Variants in BTBD9 observed in about 807,000 individuals in gnomAD.
BTBD9 encodes BTB domain containing 9, also known as BTB/POZ domain-containing protein 9.
Under a neutral mutation model 64.3 loss-of-function variants are expected in BTBD9, and 49 were observed. The observed-to-expected ratio is 0.76, with a 90% CI of 0.61 to 0.97. BTBD9 has a LOEUF of 0.97. Ranked by LOEUF, BTBD9 falls within the 50% of genes least tolerant of loss-of-function variation. BTBD9 has a pLI of 0.00. For synonymous variants in BTBD9, 260 were observed against 274.7 expected (o/e 0.95, Z 0.53); for missense variants, 598 against 762.1 (o/e 0.78, Z 2.53).
intron 7 of BTBD9, among the ~76,000 whole-genome samples, chr6:38,340,019 A>C (rs1764039651): frequency 6.6e-6 from 1 of 152,204 alleles, no homozygotes; most frequent in Non-Finnish European, 1.5e-5. Flanking sequence ...GAGCAAATGA[A>C]TATTGTACTG....
intron 6 of BTBD9, among the ~76,000 whole-genome samples, chr6:38,458,940 T>A (rs767378124): frequency 6.6e-6 from 1 of 152,212 alleles, no homozygotes; most frequent in African/African-American, 2.4e-5. Context: ...TCAAATGTTC[T>A]ATTAAAGGTA....
At chr6:38,328,452 T>A (rs571447330) in intron 7 of BTBD9, among the ~76,000 whole-genome samples, 13 of 152,118 alleles carry the variant, frequency 8.5e-5, no homozygotes, top group Non-Finnish European at 1.3e-4. Context: ...GCCATTTACA[T>A]GCCAAGGAGA....
intron 10 of BTBD9, chr6:38,179,807 A>G: frequency 2.2e-6 from 1 of 456,732 alleles, no homozygotes; most frequent in Non-Finnish European, 4.4e-6. Flanking sequence ...GTGAGAAACT[A>G]ATTTTGCCTG....
chr6:38,492,339 C>A (rs1028266326), intron 6 of BTBD9, among the ~76,000 whole-genome samples: 3 of 152,204 alleles, frequency 2.0e-5, no homozygotes, highest in African/African-American at 7.2e-5. Flanking sequence ...TTTCTATGAT[C>A]TTGGGAAAGT....
chr6:38,311,624 A>G (rs1762838829), intron 7 of BTBD9, among the ~76,000 whole-genome samples: 2 of 152,120 alleles, frequency 1.3e-5, no homozygotes, highest in Non-Finnish European at 2.9e-5. Context: ...ATCATATGGT[A>G]GCTCTATTTT....
chr6:38,418,069 C>T (rs12194728), intron 6 of BTBD9, among the ~76,000 whole-genome samples: 2 of 47,806 alleles, frequency 4.2e-5, no homozygotes, highest in Non-Finnish European at 5.1e-5. Context: ...ATGCTTTTTT[C>T]TATCATCATT....
At chr6:38,238,565 C>T (rs536495211) in intron 9 of BTBD9, among the ~76,000 whole-genome samples, 5 of 151,702 alleles carry the variant, frequency 3.3e-5, no homozygotes, top group Non-Finnish European at 7.4e-5. Context: ...CTCCACCTCC[C>T]GGGTTCACAC....
At chr6:38,196,498 C>A (rs1762277834) in intron 9 of BTBD9, among the ~76,000 whole-genome samples, 1 of 152,200 alleles carries the variant, frequency 6.6e-6, no homozygotes, top group Admixed American at 6.5e-5. Context: ...ATGATTACCA[C>A]AGAGGTTCTT....
At chr6:38,420,888 T>C (rs1463418408) in intron 6 of BTBD9, among the ~76,000 whole-genome samples, 1 of 152,056 alleles carries the variant, frequency 6.6e-6, no homozygotes, top group East Asian at 1.9e-4. Context: ...TAGAATAACA[T>C]AATAAAACAA....
chr6:38,321,171 A>G (rs1763218123), intron 7 of BTBD9, among the ~76,000 whole-genome samples: 1 of 152,236 alleles, frequency 6.6e-6, no homozygotes, highest in South Asian at 2.1e-4. Flanking sequence ...TAAGGTTTCA[A>G]GAGCTATCAC....
intron 6 of BTBD9, among the ~76,000 whole-genome samples, chr6:38,401,202 G>A (rs771833377): frequency 5.3e-5 from 8 of 152,166 alleles, no homozygotes; most frequent in African/African-American, 9.7e-5. Flanking sequence ...TCTCATGATA[G>A]TGAGGGAGTT....
At chr6:38,391,084 C>T (rs9470867) in intron 6 of BTBD9, among the ~76,000 whole-genome samples, 56,870 of 151,990 alleles carry the variant, frequency 0.37, 12,904 homozygotes, top group East Asian at 0.87. Context: ...TCACGTCTTA[C>T]TCATTCATTC....
intron 6 of BTBD9, among the ~76,000 whole-genome samples, chr6:38,415,162 T>C (rs888651282): frequency 7.2e-5 from 11 of 152,126 alleles, no homozygotes; most frequent in Non-Finnish European, 1.5e-5. Context: ...TCCCCAAACA[T>C]GTCCATATCC....
intron 8 of BTBD9, among the ~76,000 whole-genome samples, chr6:38,263,750 T>C (rs1764872214): frequency 6.6e-6 from 1 of 152,186 alleles, no homozygotes; most frequent in Admixed American, 6.5e-5. Context: ...TTTCAAAACC[T>C]ACTAGGGCCC....
chr6:38,247,640 T>C (rs1043021448), intron 9 of BTBD9, among the ~76,000 whole-genome samples: 1 of 152,226 alleles, frequency 6.6e-6, no homozygotes, highest in African/African-American at 2.4e-5. Context: ...GAATGAACTT[T>C]GGGTGTCCCA....
chr6:38,423,019 C>A (rs1394392208), intron 6 of BTBD9, among the ~76,000 whole-genome samples: 1 of 152,102 alleles, frequency 6.6e-6, no homozygotes, highest in Admixed American at 6.5e-5. Context: ...AATCCCAGCA[C>A]TTTGGGAGGC....
intron 6 of BTBD9, among the ~76,000 whole-genome samples, chr6:38,544,927 C>CAAAAAAAAAAAAAAAAA (rs58694810): frequency 2.1e-5 from 1 of 48,284 alleles, no homozygotes; most frequent in Non-Finnish European, 3.7e-5. Flanking sequence ...AACTACATCT[C>CAAAAAAAAAAAAAAAAA]AAAAAAAAAA....
intron 4 of BTBD9, among the ~76,000 whole-genome samples, chr6:38,584,932 A>C (rs1454946722): frequency 6.6e-6 from 1 of 152,160 alleles, no homozygotes; most frequent in Non-Finnish European, 1.5e-5. Context: ...TCTATGGAAG[A>C]GTATTTGCTT....
At chr6:38,437,410 T>C (rs1386075761) in intron 6 of BTBD9, among the ~76,000 whole-genome samples, 3 of 152,212 alleles carry the variant, frequency 2.0e-5, no homozygotes, top group East Asian at 1.9e-4. Context: ...GGAAGAAATA[T>C]AGGACGATGC....
Sources: gnomAD v4.1 joint callset for allele counts (sites outside exome capture counted in the v4.1 genomes callset) on GRCh38, gnomAD v4.1.1 for gene constraint, MANE v1.5 for transcripts, NCBI Gene and HGNC (gene_info 2026-07-23, HGNC 2026-07-21) for gene names.